The following COL28A1 variants were observed in gnomAD, a reference collection of about 807,000 sequenced individuals.
COL28A1 encodes the protein collagen alpha-1(XXVIII) chain.
COL28A1 carries 161 observed loss-of-function variants against 150.2 expected under a neutral mutation model. The observed-to-expected ratio is 1.07, with a 90% confidence interval of 0.94 to 1.22. The LOEUF (loss-of-function observed/expected upper bound fraction) is 1.22. Ranked by LOEUF, COL28A1 falls within the 50% of genes most tolerant of loss-of-function variation. The probability of loss-of-function intolerance (pLI) is 0.00; values close to 1 mark genes in which losing one functional copy is unlikely to be tolerated. For missense variants in COL28A1, 1,617 were observed against 1,388.3 expected (o/e 1.16, Z -2.62); for synonymous variants, 552 against 469.7 (o/e 1.18, Z -2.26).
chr7:7,355,120 G>C (rs886214059), downstream of COL28A1, among the ~76,000 whole-genome samples: 1 of 151,994 alleles, frequency 6.6e-6, no homozygotes, highest in African/African-American at 2.4e-5. Context: ...AAAGTAAAAA[G>C]ACAAACTATG....
chr7:7,533,019 G>T, intron 1 of COL28A1, 107 bp from the exon 2 acceptor site: 4 of 1,171,450 alleles, frequency 3.4e-6, no homozygotes, highest in Admixed American at 3.6e-5. Flanking sequence ...GGAAAAAAGA[G>T]GTTTTCATTC....
Position 7,511,080 on chromosome 7 carries a change from A to G in COL28A1, c.927+11T>C, listed in dbSNP as rs200086999. The G allele has an allele frequency of 4.3e-5, 70 of 1,611,966 alleles. 2 individuals carry two copies. Among genetic ancestry groups the G allele is most frequent in the South Asian group, 3.4e-4 (31 of 90,970 alleles). ...TCACAGCTGTAAGCAGTTTAAAAAC[A>G]TGTTCCTTACCTTGTCACCTTTTAT... is the stretch of plus-strand genomic sequence containing the variant. On this transcript the variant is annotated intron_variant, in intron 9 of 34. Coordinates refer to ENST00000399429, the MANE Select transcript of COL28A1 (RefSeq NM_001037763.3).
chr7:7,376,945 C>T (rs1781585655), intron 30 of COL28A1, among the ~76,000 whole-genome samples: 1 of 152,144 alleles, frequency 6.6e-6, no homozygotes, highest in South Asian at 2.1e-4. Flanking sequence ...TTTAGCCACA[C>T]AATACTGGCT....
chr7:7,501,201 C>T (rs1780503265), intron 11 of COL28A1, among the ~76,000 whole-genome samples: 2 of 152,148 alleles, frequency 1.3e-5, no homozygotes, highest in African/African-American at 4.8e-5. Flanking sequence ...GGACAAATAT[C>T]CTGCAGGAAT....
At chr7:7,431,601 A>C in intron 25 of COL28A1, 1 of 471,190 alleles carries the variant, frequency 2.1e-6, no homozygotes. Flanking sequence ...CAGAAGCTGC[A>C]GTCGGGGCAT....
intron 3 of COL28A1, among the ~76,000 whole-genome samples, chr7:7,530,273 T>C (rs80258555): frequency 0.016 from 2,462 of 152,254 alleles, 35 homozygotes; most frequent in Middle Eastern, 0.031. Context: ...GGAAAATGCC[T>C]AATACAGAGA....
intron 13 of COL28A1, among the ~76,000 whole-genome samples, chr7:7,481,868 T>C (rs1164941890): frequency 1.3e-5 from 2 of 152,158 alleles, no homozygotes; most frequent in Non-Finnish European, 2.9e-5. Flanking sequence ...ATAATTATAG[T>C]TCCCTTTCAG....
chr7:7,459,497 T>C (rs1176947588), intron 15 of COL28A1, among the ~76,000 whole-genome samples: 2 of 152,246 alleles, frequency 1.3e-5, no homozygotes, highest in African/African-American at 4.8e-5. Flanking sequence ...TATCCTAATA[T>C]AATATACAAT....
At chr7:7,449,893 C>A (rs1488684763) in intron 18 of COL28A1, among the ~76,000 whole-genome samples, 3 of 152,050 alleles carry the variant, frequency 2.0e-5, no homozygotes, top group Non-Finnish European at 4.4e-5. Context: ...GCTATTTAAT[C>A]TGTAGATTTA....
chr7:7,370,606 G>C (rs765715537), intron 33 of COL28A1, 119 bp downstream of exon 33: 1 of 658,514 alleles, frequency 1.5e-6, no homozygotes, highest in Non-Finnish European at 2.5e-6. Flanking sequence ...TAGAGCCAAG[G>C]ACCTAAAAAT....
intron 33 of COL28A1, among the ~76,000 whole-genome samples, chr7:7,361,304 T>A (rs4998110): frequency 4.6e-5 from 6 of 129,318 alleles, no homozygotes; most frequent in East Asian, 2.4e-4. Context: ...TACTTTTTTT[T>A]TAAAAATAGT....
intron 3 of COL28A1, among the ~76,000 whole-genome samples, chr7:7,529,398 TGTAA>T (rs1031651220): frequency 2.6e-5 from 4 of 152,044 alleles, no homozygotes; most frequent in South Asian, 2.1e-4. Flanking sequence ...CTTTGGATCC[TGTAA>T]GTGTTTGGAA....
At chr7:7,401,570 T>A (rs1783208920) in intron 27 of COL28A1, among the ~76,000 whole-genome samples, 1 of 152,064 alleles carries the variant, frequency 6.6e-6, no homozygotes, top group Non-Finnish European at 1.5e-5. Flanking sequence ...GTCATTCAGG[T>A]CAAAAACCTT....
At chr7:7,398,708 C>T (rs1019138801) in intron 27 of COL28A1, among the ~76,000 whole-genome samples, 8 of 152,162 alleles carry the variant, frequency 5.3e-5, no homozygotes, top group Non-Finnish European at 8.8e-5. Context: ...CCTCACATGG[C>T]ATTTGAATAT....
chr7:7,510,061 G>C (rs1358281858), intron 9 of COL28A1, among the ~76,000 whole-genome samples: 1 of 151,648 alleles, frequency 6.6e-6, no homozygotes, highest in Non-Finnish European at 1.5e-5. Context: ...TTCTCTCCTT[G>C]ACTCCCTTCC....
intron 21 of COL28A1, among the ~76,000 whole-genome samples, chr7:7,438,420 G>T (rs1315030541): frequency 6.7e-6 from 1 of 149,736 alleles, no homozygotes; most frequent in Non-Finnish European, 1.5e-5. Flanking sequence ...GATTTTAGAA[G>T]CAGAGGAATT....
At chr7:7,540,636 G>C (rs1389275205), upstream of COL28A1, among the ~76,000 whole-genome samples, 1 of 152,090 alleles carries the variant, frequency 6.6e-6, no homozygotes, top group Non-Finnish European at 1.5e-5. Flanking sequence ...CGCTATCCAG[G>C]CTTGTGCTTG....
rs1472922760 is a variant in COL28A1 at position 7,373,167 on chromosome 7, C to T, written c.2739G>A (p.Glu913=). ...TDGQTDSRDK[E]KLTEVVKNAS... is the part of the protein sequence containing the mutation. ...CATTCTTCACCACCTCTGTCAGTTTCTCTTTATCACGAGAATCTGTCTGTC... is the reference window on the plus strand; with the variant it reads ...CATTCTTCACCACCTCTGTCAGTTTTTCTTTATCACGAGAATCTGTCTGTC... Residue 913 remains glutamate, a synonymous_variant, in exon 32 of 35, where the codon GAG becomes GAA. Transcript: ENST00000399429. The surrounding 1 kb of genome is among the most constrained non-coding windows in gnomAD (Gnocchi z 4.1). 6.2e-7 allele frequency: 1 copy of T among 1,614,236 alleles called. No homozygotes were observed. Among genetic ancestry groups the T allele is most frequent in the African/African-American group, 1.3e-5 (1 of 75,064 alleles).
At chr7:7,368,232 T>C (rs539936210) in intron 33 of COL28A1, among the ~76,000 whole-genome samples, 1 of 152,258 alleles carries the variant, frequency 6.6e-6, no homozygotes, top group Non-Finnish European at 1.5e-5. Flanking sequence ...TCAAGCTCCT[T>C]GCCTTAATAC....
Sources: gnomAD v4.1 joint callset for allele counts (sites outside exome capture counted in the v4.1 genomes callset) on GRCh38, gnomAD v4.1.1 for gene constraint, Gnocchi (gnomAD v3.1) non-coding constraint, MANE v1.5 for transcripts, NCBI Gene and HGNC (gene_info 2026-07-23, HGNC 2026-07-21) for gene names.